The following FAM227B variants were observed in gnomAD, a reference collection of about 807,000 sequenced individuals.
FAM227B encodes the protein family with sequence similarity 227 member B, also known as protein FAM227B.
FAM227B carries 88 observed loss-of-function variants against 73.8 expected under a neutral mutation model. The ratio of observed to expected loss-of-function variants is 1.19; its 90% confidence interval spans 1.00 to 1.42. The LOEUF is 1.42. Ranked by LOEUF, FAM227B falls within the 40% of genes most tolerant of loss-of-function variation. The pLI is 0.00. For missense variants in FAM227B, 632 were observed against 590.9 expected, an observed-to-expected ratio of 1.07 and a Z score of -0.72; for synonymous variants, 210 against 190.5, an observed-to-expected ratio of 1.10 and a Z score of -0.84.
intron 10 of FAM227B, among the ~76,000 whole-genome samples, chr15:49,534,917 T>G (rs899780116): frequency 6.6e-6 from 1 of 151,430 alleles, no homozygotes; most frequent in Non-Finnish European, 1.5e-5. Flanking sequence ...CATGACATAC[T>G]AAAACCTGTG....
intron 3 of FAM227B, among the ~76,000 whole-genome samples, chr15:49,592,847 A>T (rs2076662631): frequency 6.6e-6 from 1 of 152,222 alleles, no homozygotes; most frequent in African/African-American, 2.4e-5. Flanking sequence ...GGCTCCACCC[A>T]GTTCAAGCTT....
intron 11 of FAM227B, among the ~76,000 whole-genome samples, chr15:49,412,801 GAT>G (rs539368738): frequency 6.5e-4 from 99 of 152,150 alleles, no homozygotes; most frequent in Non-Finnish European, 1.3e-3. Flanking sequence ...TTTTGCACCA[GAT>G]ATCCTTAAAA....
intron 11 of FAM227B, among the ~76,000 whole-genome samples, chr15:49,426,057 A>G (rs2050103150): frequency 6.6e-6 from 1 of 151,560 alleles, no homozygotes; most frequent in Admixed American, 6.6e-5. Flanking sequence ...TATCAATAAT[A>G]ATATCATGGA....
intron 11 of FAM227B, among the ~76,000 whole-genome samples, chr15:49,411,725 G>A (rs1459871166): frequency 6.6e-6 from 1 of 151,978 alleles, no homozygotes; most frequent in African/African-American, 2.4e-5. Flanking sequence ...TGTATTCTTA[G>A]CATAATTTGA....
At chr15:49,345,492 T>C (rs1375370824) in intron 13 of FAM227B, among the ~76,000 whole-genome samples, 1 of 152,240 alleles carries the variant, frequency 6.6e-6, no homozygotes, top group Non-Finnish European at 1.5e-5. Context: ...TAGACACTTA[T>C]AACTATAAAT....
chr15:49,349,180 A>C (rs902805088), intron 13 of FAM227B, among the ~76,000 whole-genome samples: 1 of 152,182 alleles, frequency 6.6e-6, no homozygotes, highest in Non-Finnish European at 1.5e-5. Flanking sequence ...TGTAAGAAAA[A>C]ATAGCCAGAT....
intron 11 of FAM227B, among the ~76,000 whole-genome samples, chr15:49,415,427 T>C (rs558644644): frequency 6.6e-6 from 1 of 152,218 alleles, no homozygotes; most frequent in Admixed American, 6.5e-5. Context: ...AGGAAATTGA[T>C]TGTTTCCTAA....
At chr15:49,448,866 G>A (rs116016535) in intron 11 of FAM227B, among the ~76,000 whole-genome samples, 3,517 of 151,656 alleles carry the variant, frequency 0.023, 86 homozygotes, top group South Asian at 0.13. Flanking sequence ...TTTAGCAGTC[G>A]ATTCCAATAT....
intron 11 of FAM227B, among the ~76,000 whole-genome samples, chr15:49,461,177 A>T (rs748052972): frequency 1.3e-5 from 2 of 152,162 alleles, no homozygotes; most frequent in African/African-American, 2.4e-5. Context: ...CTAGTGACAG[A>T]TCTTTTCTCT....
Position 49,397,187 on chromosome 15 carries a change from C to A in FAM227B, c.1013-25788G>T, listed in dbSNP as rs1357533573. ...GGAGCTGAACACCAAGGCTTGAGAA[C>A]AACGTGAAGAATGCAGAAGCCTCAG... is the stretch of plus-strand genomic sequence containing the variant. On this transcript the variant is annotated intron_variant, in intron 11 of 15. Transcript: ENST00000299338. Among the ~76,000 whole-genome samples the A allele has an allele frequency of 2.0e-5, 3 of 152,086 alleles. No homozygotes were observed. The East Asian group carries it at 5.8e-4, about 29-fold the overall frequency.
intron 8 of FAM227B, among the ~76,000 whole-genome samples, chr15:49,573,598 T>G (rs1228067134): frequency 6.6e-6 from 1 of 152,164 alleles, no homozygotes; most frequent in Non-Finnish European, 1.5e-5. Flanking sequence ...GTTCCCTCTC[T>G]CACTCTTCTA....
At chr15:49,546,239 G>A (rs1786930938) in intron 9 of FAM227B, among the ~76,000 whole-genome samples, 1 of 152,074 alleles carries the variant, frequency 6.6e-6, no homozygotes, top group South Asian at 2.1e-4. Flanking sequence ...ACAGTTTGCT[G>A]AGAATGATGG....
intron 11 of FAM227B, among the ~76,000 whole-genome samples, chr15:49,475,977 C>T (rs902885755): frequency 6.6e-6 from 1 of 152,154 alleles, no homozygotes; most frequent in African/African-American, 2.4e-5. Flanking sequence ...TATTTTGTTA[C>T]ACTTCCTATT....
chr15:49,613,387 G>T (rs373753545), intron 2 of FAM227B, among the ~76,000 whole-genome samples: 68 of 152,218 alleles, frequency 4.5e-4, no homozygotes, highest in African/African-American at 1.6e-3. Flanking sequence ...AGGTGTCCCA[G>T]CTACTCGAGA....
rs146192302 is a variant in FAM227B at position 49,591,755 on chromosome 15, G to A, written c.106-1748C>T. Among the ~76,000 whole-genome samples the A allele has an allele frequency of 3.5e-4, 53 of 152,152 alleles. No individual in the cohort carries two copies. In the East Asian group the frequency reaches 6.4e-3, roughly 18 times the overall value. ...TCACCTCGGCCTCCCAAAATGCTGC[G>A]ATTACAGGCATGAGCCACTGTGCCC... On this transcript the variant is annotated intron_variant, in intron 3 of 15. Transcript: ENST00000299338.
At chr15:49,563,727 C>T (rs2074429575) in intron 9 of FAM227B, among the ~76,000 whole-genome samples, 1 of 152,048 alleles carries the variant, frequency 6.6e-6, no homozygotes, top group African/African-American at 2.4e-5. Context: ...GTAGACAAAA[C>T]AAGCAATCAG....
chr15:49,547,720 AG>A (rs2072152114), intron 9 of FAM227B, among the ~76,000 whole-genome samples: 3 of 152,250 alleles, frequency 2.0e-5, no homozygotes, highest in Non-Finnish European at 4.4e-5. Flanking sequence ...CAGTTAAAAA[AG>A]ACAAAGAGAC....
At chr15:49,592,113 A>T (rs2076615382) in intron 3 of FAM227B, among the ~76,000 whole-genome samples, 1 of 152,012 alleles carries the variant, frequency 6.6e-6, no homozygotes, top group South Asian at 2.1e-4. Flanking sequence ...GGGTTAGAAC[A>T]TGTTCCTTTA....
intron 10 of FAM227B, among the ~76,000 whole-genome samples, chr15:49,523,832 G>A (rs920135047): frequency 6.6e-6 from 1 of 152,188 alleles, no homozygotes; most frequent in Non-Finnish European, 1.5e-5. Context: ...GAGCAAAGGT[G>A]ACTCTTGTTA....
Sources: gnomAD v4.1 joint callset for allele counts (sites outside exome capture counted in the v4.1 genomes callset) on GRCh38, gnomAD v4.1.1 for gene constraint, MANE v1.5 for transcripts, NCBI Gene and HGNC (gene_info 2026-07-23, HGNC 2026-07-21) for gene names.